PIK3AP1: variants seen among roughly 807,000 people sequenced by gnomAD.
PIK3AP1 encodes the protein phosphoinositide-3-kinase adaptor protein 1.
PIK3AP1 carries 21 observed loss-of-function variants against 88.1 expected under a neutral mutation model. The ratio of observed to expected loss-of-function variants is 0.24; its 90% CI spans 0.17 to 0.34. The LOEUF (loss-of-function observed/expected upper bound fraction) is 0.34, where lower values mean the gene tolerates loss of function less well. Ranked by LOEUF, PIK3AP1 falls within the 10% of genes least tolerant of loss-of-function variation. The probability of loss-of-function intolerance (pLI) is 1.00; values close to 1 mark genes in which losing one functional copy is unlikely to be tolerated. For missense variants in PIK3AP1, 828 were observed against 1,035.7 expected (o/e 0.80, Z 2.75); for synonymous variants, 398 against 400.0 (o/e 1.00, Z 0.06).
intron 12 of PIK3AP1, among the ~76,000 whole-genome samples, chr10:96,619,718 G>A (rs1843050863): frequency 6.6e-6 from 1 of 152,206 alleles, no homozygotes; most frequent in Non-Finnish European, 1.5e-5. Flanking sequence ...AAACTATACA[G>A]GTAGAGCAAG....
chr10:96,669,287 C>T (rs1357232589), intron 2 of PIK3AP1, among the ~76,000 whole-genome samples: 4 of 152,170 alleles, frequency 2.6e-5, no homozygotes, highest in East Asian at 3.8e-4. Context: ...GATGAAACCA[C>T]GAAACAGCTA....
intron 2 of PIK3AP1, among the ~76,000 whole-genome samples, chr10:96,703,376 G>T (rs924898139): frequency 6.6e-6 from 1 of 152,070 alleles, no homozygotes; most frequent in Non-Finnish European, 1.5e-5. Context: ...GAGGCAAAGA[G>T]AAAATAATGC....
Position 96,652,811 on chromosome 10 carries a change from C to T in PIK3AP1, c.599G>A (p.Cys200Tyr), listed in dbSNP as rs1400549123. Residue 200 changes from cysteine (C) to tyrosine (Y), a missense_variant, in exon 4 of 17, where the codon TGT becomes TAT. This residue lies in a region of PIK3AP1 where 610 missense variants were observed against 760.1 expected (regional missense o/e 0.80). Coordinates refer to ENST00000339364, the MANE Select transcript of PIK3AP1 (RefSeq NM_152309.3). ...TGTCGCCACCCTGTCATCCAGCTTA[C>T]ATCTCACAATAACATAGACAGTGGT... Reference protein sequence around the residue: ...AETTVYVIVRCKLDDRVATEA... With the variant: ...AETTVYVIVRYKLDDRVATEA... 6.2e-7 allele frequency: 1 copy of T among 1,613,914 alleles called. No homozygotes were observed. The highest frequency in any genetic ancestry group is 8.5e-7 in the Non-Finnish European group (1 of 1,180,022).
At chr10:96,693,416 G>A (rs913112698) in intron 2 of PIK3AP1, among the ~76,000 whole-genome samples, 1 of 151,632 alleles carries the variant, frequency 6.6e-6, no homozygotes, top group Non-Finnish European at 1.5e-5. Context: ...TAGATGGAAA[G>A]ATGAATAGTT....
chr10:96,709,006 A>C (rs1352639429), intron 2 of PIK3AP1, among the ~76,000 whole-genome samples: 1 of 151,458 alleles, frequency 6.6e-6, no homozygotes, highest in African/African-American at 2.4e-5. Flanking sequence ...GGTGGCACAC[A>C]CCTGTAATCC....
At chr10:96,688,729 C>T (rs746176998) in intron 2 of PIK3AP1, among the ~76,000 whole-genome samples, 6 of 151,334 alleles carry the variant, frequency 4.0e-5, no homozygotes, top group African/African-American at 7.3e-5. Flanking sequence ...ACCCAGGAGG[C>T]GGAGGGTGCA....
At chr10:96,624,056 A>T (rs1843122393) in intron 10 of PIK3AP1, among the ~76,000 whole-genome samples, 1 of 152,200 alleles carries the variant, frequency 6.6e-6, no homozygotes, top group Non-Finnish European at 1.5e-5. Context: ...CATGGTGATT[A>T]TGGCTCCCTG....
intron 1 of PIK3AP1, among the ~76,000 whole-genome samples, chr10:96,717,000 A>T (rs1844510628): frequency 6.6e-6 from 1 of 152,016 alleles, no homozygotes. Flanking sequence ...GGTGGCTCAC[A>T]CCTGTAATCC....
At position 96,595,325 on chromosome 10, in the gene PIK3AP1, A is replaced by T; in HGVS notation, c.*252T>A. On this transcript the variant is annotated 3_prime_UTR_variant, in exon 17 of 17. Coordinates refer to ENST00000339364, the MANE Select transcript of PIK3AP1 (RefSeq NM_152309.3). ...AGGTAAGTATTTCGATTAAGTCTTC[A>T]TCCTTTTGGCAAACAAGTATATGGT... 6.3e-6 allele frequency: 3 copies of T among 479,920 alleles called. No homozygotes were observed. The allele number at this position is 479,920 out of a possible 1,614,324, so 29.7% of individuals were successfully genotyped here. A position where few individuals can be genotyped will look rare whatever the true frequency, so the allele number is the denominator to read the frequency against.
At chr10:96,712,806 G>A (rs1454730834) in intron 1 of PIK3AP1, among the ~76,000 whole-genome samples, 1 of 152,242 alleles carries the variant, frequency 6.6e-6, no homozygotes, top group Non-Finnish European at 1.5e-5. Context: ...TAGTGATGCT[G>A]TGCAAGGAGC....
chr10:96,604,194 A>G (rs779488023), intron 14 of PIK3AP1, 145 bp from the exon 15 acceptor site: 50 of 677,230 alleles, frequency 7.4e-5, no homozygotes, highest in Non-Finnish European at 1.0e-4. Flanking sequence ...GCCATCTTAT[A>G]CTTTTTGTTT....
At chr10:96,621,970 T>C (rs1242768590) in intron 11 of PIK3AP1, among the ~76,000 whole-genome samples, 1 of 152,218 alleles carries the variant, frequency 6.6e-6, no homozygotes, top group Non-Finnish European at 1.5e-5. Flanking sequence ...TCACTTCCAA[T>C]TGAGAACCAC....
chr10:96,617,027 G>A (rs944915028), intron 12 of PIK3AP1, among the ~76,000 whole-genome samples: 1 of 152,168 alleles, frequency 6.6e-6, no homozygotes, highest in Admixed American at 6.5e-5. Context: ...AGGTATTCCT[G>A]TCTCTGAGAC....
chr10:96,616,613 A>G (rs866161650), intron 13 of PIK3AP1, 26 bp downstream of exon 13: 2 of 1,610,292 alleles, frequency 1.2e-6, no homozygotes, highest in Non-Finnish European at 1.7e-6. Context: ...GTCCCACACA[A>G]TGCAGCACCC....
chr10:96,655,852 A>G (rs894582747), intron 3 of PIK3AP1, among the ~76,000 whole-genome samples: 3 of 152,212 alleles, frequency 2.0e-5, no homozygotes, highest in African/African-American at 7.2e-5. Context: ...AGTCCAATTA[A>G]ATCTCTTTCT....
chr10:96,641,433 C>T (rs533930653), intron 8 of PIK3AP1, among the ~76,000 whole-genome samples: 4 of 152,250 alleles, frequency 2.6e-5, no homozygotes, highest in Non-Finnish European at 4.4e-5. Flanking sequence ...GTCCTGTGAG[C>T]GAATCAGTGA....
In PIK3AP1 at chr10:96,656,952, C is replaced by A; in HGVS notation, c.431-18G>T. 2 of 1,612,394 alleles carry A rather than the reference C, an allele frequency of 1.2e-6. No homozygotes were observed. Among genetic ancestry groups the A allele is most frequent in the Non-Finnish European group, 1.7e-6 (2 of 1,178,688 alleles). ...GCCAGAATCTACAAAATAGAGGACA[C>A]CGCTGAATGGGAACGGCAGGAAGGA... On this transcript the variant is annotated intron_variant, in intron 2 of 16. Coordinates refer to ENST00000339364, the MANE Select transcript of PIK3AP1 (RefSeq NM_152309.3).
intron 1 of PIK3AP1, among the ~76,000 whole-genome samples, chr10:96,713,485 C>T (rs1268124909): frequency 2.4e-5 from 3 of 124,060 alleles, no homozygotes; most frequent in Non-Finnish European, 4.8e-5. Context: ...GCCTGGGAGA[C>T]AGACCGAGAC....
At chr10:96,689,486 C>T (rs1054902498) in intron 2 of PIK3AP1, among the ~76,000 whole-genome samples, 3 of 146,440 alleles carry the variant, frequency 2.0e-5, no homozygotes, top group African/African-American at 7.6e-5. Context: ...AGGAGAATGG[C>T]GTGAACCCAA....
Sources: allele counts gnomAD v4.1 joint callset (sites outside exome capture counted in the v4.1 genomes callset), GRCh38; gene constraint gnomAD v4.1.1; regional missense constraint gnomAD v4.1.1; transcripts MANE v1.5; gene names NCBI Gene and HGNC (gene_info 2026-07-23, HGNC 2026-07-21).